The following CREB3L2 variants were observed in gnomAD, a reference collection of about 807,000 sequenced individuals.
The protein encoded by CREB3L2 is cAMP responsive element binding protein 3 like 2, also known as cyclic AMP-responsive element-binding protein 3-like protein 2.
In CREB3L2, 23 loss-of-function variants were observed where a neutral mutation model predicts 57.2. That is an observed-to-expected ratio of 0.40 (90% CI 0.29 to 0.57). The LOEUF is 0.57. Ranked by LOEUF, CREB3L2 falls within the 20% of genes least tolerant of loss-of-function variation. The pLI, the probability that CREB3L2 is intolerant of heterozygous loss-of-function variation, is 0.42. For missense variants in CREB3L2, 628 were observed against 634.7 expected (o/e 0.99, Z 0.11); for synonymous variants, 268 against 265.1 (o/e 1.01, Z -0.11).
At chr7:137,989,429 CCAGTT>C (rs1801847595) in intron 1 of CREB3L2, among the ~76,000 whole-genome samples, 1 of 117,366 alleles carries the variant, frequency 8.5e-6, no homozygotes, top group African/African-American at 3.0e-5. Flanking sequence ...TGGCTTTTCT[CCAGTT>C]TTTTTTTTTT....
intron 1 of CREB3L2, among the ~76,000 whole-genome samples, chr7:137,940,184 T>A (rs1800857612): frequency 6.6e-6 from 1 of 152,170 alleles, no homozygotes; most frequent in East Asian, 1.9e-4. Context: ...CTCTCTGGTA[T>A]CTTCCACTCT....
Position 137,899,261 on chromosome 7 carries a change from G to A in CREB3L2, c.1043+2093C>T, listed in dbSNP as rs375069694. Among the ~76,000 whole-genome samples the A allele has an allele frequency of 8.6e-4, 131 of 152,174 alleles. 4 individuals carry two copies. The South Asian group carries it at 0.017, about 20-fold the overall frequency. On this transcript the variant is annotated intron_variant, in intron 8 of 11. Transcript: ENST00000330387. The stretch of plus-strand genomic sequence containing the variant: ...CTTCTCCCTCACACACCCGGACTTC[G>A]CCCCAGCACATCCCTGCTGTGCCTC...
At chr7:137,999,983 G>C (rs1229811509) in intron 1 of CREB3L2, among the ~76,000 whole-genome samples, 1 of 152,192 alleles carries the variant, frequency 6.6e-6, no homozygotes, top group Non-Finnish European at 1.5e-5. Context: ...AGTCCAAGCA[G>C]TTCTTCCCAG....
chr7:137,931,651 G>GTGAAACTC (rs1275992344), intron 1 of CREB3L2, among the ~76,000 whole-genome samples: 1 of 151,814 alleles, frequency 6.6e-6, no homozygotes, highest in Non-Finnish European at 1.5e-5. Flanking sequence ...GGCCAACATG[G>GTGAAACTC]TGAAACTCCA....
rs185087150 is a variant in CREB3L2, at chr7:137,997,084, G to A, written c.102+4520C>T. ...TCCATGGGGCCTTCCCACTTCCCCT[G>A]TTCTTCATCCAACGCCTCCACTGAC... On this transcript the variant is annotated intron_variant, in intron 1 of 11. Transcript: ENST00000330387. Among the ~76,000 whole-genome samples, 898 of 152,240 alleles carry A rather than the reference G, an allele frequency of 5.9e-3. 11 individuals carry two copies. Among genetic ancestry groups the A allele is most frequent in the Non-Finnish European group, 8.8e-3 (601 of 68,008 alleles).
intron 3 of CREB3L2, among the ~76,000 whole-genome samples, chr7:137,914,609 T>G (rs1800086683): frequency 6.6e-6 from 1 of 151,964 alleles, no homozygotes; most frequent in African/African-American, 2.4e-5. Flanking sequence ...CCAGCTTGGG[T>G]GACAGAATGA....
Position 137,959,358 on chromosome 7 carries a change from A to G in CREB3L2, c.103-30992T>C, listed in dbSNP as rs184730505. ...GTCTCTGGGTAATGAGTGACCCCCA[A>G]GGTCCATATTCCCCACCATTCCCTT... On this transcript the variant is annotated intron_variant, in intron 1 of 11. Coordinates refer to ENST00000330387, the MANE Select transcript of CREB3L2 (RefSeq NM_194071.4). Among the ~76,000 whole-genome samples, 14 of 152,306 alleles carry G rather than the reference A, an allele frequency of 9.2e-5. No individual in the cohort carries two copies. In the East Asian group the frequency reaches 1.9e-3, roughly 21 times the overall value.
chr7:137,964,238 C>T (rs1648055028), intron 1 of CREB3L2, among the ~76,000 whole-genome samples: 1 of 152,186 alleles, frequency 6.6e-6, no homozygotes, highest in African/African-American at 2.4e-5. Flanking sequence ...ATCACTTGAA[C>T]CCAGGAGATG....
intron 8 of CREB3L2, among the ~76,000 whole-genome samples, chr7:137,897,791 T>C (rs904584319): frequency 1.3e-5 from 2 of 152,248 alleles, no homozygotes; most frequent in Non-Finnish European, 2.9e-5. Flanking sequence ...ACACATAAGA[T>C]ATTCCAAAAC....
intron 1 of CREB3L2, among the ~76,000 whole-genome samples, chr7:137,951,731 C>T (rs989458250): frequency 3.3e-5 from 5 of 152,158 alleles, no homozygotes; most frequent in Non-Finnish European, 7.3e-5. Flanking sequence ...GCCTGTAACC[C>T]CTGCACTCTG....
chr7:137,876,659 C>T lies in CREB3L2; in HGVS notation c.*3817G>A, dbSNP rs1224347093. On this transcript the variant is annotated 3_prime_UTR_variant, in exon 12 of 12. Transcript: ENST00000330387. ...TAGCATGTGTCTATGGATAGTCTCA[C>T]CTGAAGGTGGCCAAATAAAATGACT... 1.7e-5 allele frequency: 4 copies of T among 232,712 alleles called. No individual in the cohort carries two copies. The highest frequency in any genetic ancestry group is 1.7e-4 in the Admixed American group (3 of 17,752). The allele number at this position is 232,712 out of a possible 1,614,324, so 14.4% of individuals were successfully genotyped here.
At chr7:137,951,353 AC>A (rs1186927268) in intron 1 of CREB3L2, among the ~76,000 whole-genome samples, 4 of 152,206 alleles carry the variant, frequency 2.6e-5, no homozygotes, top group African/African-American at 4.8e-5. Context: ...ATGTTAATAA[AC>A]CAACAATATA....
rs115923733 is a variant in CREB3L2, at chr7:137,893,716, A to G, written c.1043+7638T>C. Among the ~76,000 whole-genome samples the G allele has an allele frequency of 1.0e-3, 155 of 152,362 alleles. 1 individual carries two copies. The highest frequency in any genetic ancestry group is 3.5e-3 in the African/African-American group (145 of 41,588). On this transcript the variant is annotated intron_variant, in intron 8 of 11. Coordinates refer to ENST00000330387, the MANE Select transcript of CREB3L2 (RefSeq NM_194071.4). ...AGATTGTCAAGAACAAGAAAAGTAG[A>G]GTTAGAAAGACTATAGCTAAGAGGA...
At chr7:137,974,679 G>T (rs1252999731) in intron 1 of CREB3L2, among the ~76,000 whole-genome samples, 1 of 152,222 alleles carries the variant, frequency 6.6e-6, no homozygotes, top group African/African-American at 2.4e-5. Context: ...ATGGAAAGAA[G>T]TGAATGGAGT....
At chr7:137,972,766 G>T (rs1422661464) in intron 1 of CREB3L2, among the ~76,000 whole-genome samples, 8,199 of 77,924 alleles carry the variant, frequency 0.11, 767 homozygotes, top group Middle Eastern at 0.14. Flanking sequence ...GAGAGAGAGA[G>T]AGAGAAAAGA....
chr7:137,882,481 A>C lies in CREB3L2; in HGVS notation c.1418T>G (p.Leu473Arg), dbSNP rs750406588. 28 of 1,613,988 alleles carry C rather than the reference A, an allele frequency of 1.7e-5. No individual in the cohort carries two copies. The South Asian group carries it at 2.2e-4, about 13-fold the overall frequency. Residue 473 changes from leucine to arginine, a missense_variant, in exon 11 of 12, where the codon CTT becomes CGT. Around this residue, in one of 3 missense-constraint regions of CREB3L2, gnomAD observed 272 missense variants for 242.7 expected, o/e 1.12. Transcript: ENST00000330387. ...SGLESRPDVDLPHFIISNETS... is the reference protein window; with the variant it reads ...SGLESRPDVDRPHFIISNETS... The stretch of plus-strand genomic sequence containing the variant: ...CTCATTCGAGATAATGAAATGGGGA[A>C]GATCCACATCCGGCCTGGACTCCAG...
intron 11 of CREB3L2, 109 bp downstream of exon 11, chr7:137,882,303 A>C: frequency 1.3e-6 from 1 of 766,394 alleles, no homozygotes; most frequent in Non-Finnish European, 2.2e-6. Flanking sequence ...GAGAGAGCTG[A>C]GGGACTGAAC....
intron 1 of CREB3L2, among the ~76,000 whole-genome samples, chr7:137,929,779 G>A (rs1385178774): frequency 6.6e-6 from 1 of 150,562 alleles, no homozygotes; most frequent in Non-Finnish European, 1.5e-5. Context: ...TGAGGCAGGA[G>A]AATCGCTTGA....
chr7:137,930,923 C>T (rs1351216557), intron 1 of CREB3L2, among the ~76,000 whole-genome samples: 1 of 106,112 alleles, frequency 9.4e-6, no homozygotes, highest in African/African-American at 3.0e-5. Context: ...GTAGTCATTC[C>T]TTTTAAAAAA....
Sources: allele counts gnomAD v4.1 joint callset (sites outside exome capture counted in the v4.1 genomes callset), GRCh38; gene constraint gnomAD v4.1.1; regional missense constraint gnomAD v4.1.1; transcripts MANE v1.5; gene names NCBI Gene and HGNC (gene_info 2026-07-23, HGNC 2026-07-21).